The following CRMP1 variants were observed in gnomAD, a reference collection of about 807,000 sequenced individuals.
CRMP1 encodes dihydropyrimidinase-related protein 1.
In CRMP1, 19 loss-of-function variants were observed where a neutral mutation model predicts 68.3. The ratio of observed to expected loss-of-function variants is 0.28; its 90% CI spans 0.19 to 0.41. The LOEUF (loss-of-function observed/expected upper bound fraction) is 0.41. Ranked by LOEUF, CRMP1 falls within the 10% of genes least tolerant of loss-of-function variation. CRMP1 has a pLI of 1.00. For missense variants in CRMP1, 791 were observed against 967.4 expected (o/e 0.82, Z 2.42); for synonymous variants, 439 against 399.6 (o/e 1.10, Z -1.18).
chr4:5,854,427 T>C lies in CRMP1; in HGVS notation c.820+1716A>G, dbSNP rs1712895797. 1.6e-5 allele frequency among the ~76,000 whole-genome samples: 2 copies of C among 127,196 alleles called. No homozygotes were observed. Among genetic ancestry groups the C allele is most frequent in the South Asian group, 5.2e-4 (2 of 3,820 alleles). The allele number at this position is 127,196 out of a possible 152,430, so 83.4% of individuals were successfully genotyped here. ...TTTTTTTTTTTTTTTTTTTTTTTAA[T>C]AGAGTCGTGGTCTCACTATGTTGCC... On this transcript the variant is annotated intron_variant, in intron 4 of 13. Transcript: ENST00000324989. This position sits in a 1 kb window ranked among gnomAD's most constrained non-coding sequence, Gnocchi z 4.0.
chr4:5,856,857 C>CCA (rs1560505595), intron 3 of CRMP1, among the ~76,000 whole-genome samples: 41 of 129,720 alleles, frequency 3.2e-4, no homozygotes, highest in African/African-American at 1.3e-3. Context: ...TCATTGTCAC[C>CCA]CCACCATCAT....
At chr4:5,835,818 CTAGTTGGA>C in intron 11 of CRMP1, 89 bp downstream of exon 11, 1 of 1,301,998 alleles carries the variant, frequency 7.7e-7, no homozygotes, top group African/African-American at 1.5e-5. Context: ...AGATCACATC[CTAGTTGGA>C]AAATTCATAA....
At position 5,888,499 on chromosome 4, in the gene CRMP1, G is replaced by A. The variant is rs1169325707; in HGVS notation, c.381+4090C>T. On this transcript the variant is annotated intron_variant, in intron 1 of 13. Coordinates refer to ENST00000324989, the MANE Select transcript of CRMP1 (RefSeq NM_001014809.3). This position sits in a 1 kb window ranked among gnomAD's most constrained non-coding sequence, Gnocchi z 6.4. ...CGGATCGGCGAGGAGGGCGGGAGAA[G>A]GAGGAGGGAGAGGCGAGGGCGGGAG... The A allele has an allele frequency of 8.3e-7, 1 of 1,200,754 alleles. No homozygotes were observed. The allele number at this position is 1,200,754 out of a possible 1,614,324, so 74.4% of individuals were successfully genotyped here.
intron 13 of CRMP1, among the ~76,000 whole-genome samples, chr4:5,822,247 G>A (rs1371458582): frequency 6.6e-6 from 1 of 152,226 alleles, no homozygotes; most frequent in Non-Finnish European, 1.5e-5. Context: ...CAACTTACGG[G>A]TGAGCAATTT....
Position 5,883,916 on chromosome 4 carries a change from C to T in CRMP1, c.381+8673G>A, listed in dbSNP as rs144163721. On this transcript the variant is annotated intron_variant, in intron 1 of 13. Coordinates refer to ENST00000324989, the MANE Select transcript of CRMP1 (RefSeq NM_001014809.3). The surrounding 1 kb of genome is among the most constrained non-coding windows in gnomAD (Gnocchi z 4.5). The stretch of plus-strand genomic sequence containing the variant: ...TTACGTCACTTTCACTTTTATGTCC[C>T]CTCTGAGACATTTTTAAGAATTTGA... Among the ~76,000 whole-genome samples the T allele has an allele frequency of 1.4e-3, 210 of 152,264 alleles. No homozygotes were observed. The highest frequency in any genetic ancestry group is 4.8e-3 in the African/African-American group (201 of 41,542).
Position 5,833,462 on chromosome 4 carries a change from G to A in CRMP1, c.1623+2453C>T, listed in dbSNP as rs372246973. Among the ~76,000 whole-genome samples the A allele has an allele frequency of 1.0e-4, 9 of 86,568 alleles. 2 individuals carry two copies. In the East Asian group the frequency reaches 1.1e-3, roughly 11 times the overall value. The allele number at this position is 86,568 out of a possible 152,430, so 56.8% of individuals were successfully genotyped here. On this transcript the variant is annotated intron_variant, in intron 11 of 13. Transcript: ENST00000324989. ...ATTACAGGCGTGAGCCACCGCGCCC[G>A]GCCCCAGAACTTTTAAGAGATGAAA...
rs1377322652 is a variant in CRMP1, at chr4:5,825,651, T to C, written c.1812A>G (p.Gly604=). 1.9e-6 allele frequency: 3 copies of C among 1,611,854 alleles called. No homozygotes were observed. The African/African-American group carries it at 4.0e-5, about 22-fold the overall frequency. ...ACATGCCCCTGGAAACCCCTTGCAA[T>C]CCAAAAACCTAAACAGAGGAAGGGA... ...QRVKIRNKVF[G]LQGVSRGMYD... is the part of the protein sequence containing the mutation. The change falls in exon 13 of 14, where the codon GGA becomes GGG. Residue 604 remains glycine (G), a synonymous_variant. Transcript: ENST00000324989. The surrounding 1 kb of genome is among the most constrained non-coding windows in gnomAD (Gnocchi z 4.4).
chr4:5,886,749 G>A (rs561147973), intron 1 of CRMP1, among the ~76,000 whole-genome samples: 1 of 152,368 alleles, frequency 6.6e-6, no homozygotes, highest in East Asian at 1.9e-4. Context: ...CAGGGTTAGA[G>A]GGTCCCAAGG....
rs984020414 is a variant in CRMP1 at position 5,870,082 on chromosome 4, G to C, written c.382-3326C>G. Among the ~76,000 whole-genome samples the C allele has an allele frequency of 1.4e-4, 22 of 152,206 alleles. No individual in the cohort carries two copies. Among genetic ancestry groups the C allele is most frequent in the African/African-American group, 4.8e-4 (20 of 41,446 alleles). On this transcript the variant is annotated intron_variant, in intron 1 of 13. Transcript: ENST00000324989. This position sits in a 1 kb window ranked among gnomAD's most constrained non-coding sequence, Gnocchi z 6.0. ...CGGCTGCTCAAAGCTTCTTGCATCAGAATCATACTTCCCTCAGAGTGAAAG... is the reference window on the plus strand; with the variant it reads ...CGGCTGCTCAAAGCTTCTTGCATCACAATCATACTTCCCTCAGAGTGAAAG...
At chr4:5,831,761 C>G (rs929719494) in intron 11 of CRMP1, among the ~76,000 whole-genome samples, 2 of 152,214 alleles carry the variant, frequency 1.3e-5, no homozygotes, top group African/African-American at 4.8e-5. Flanking sequence ...CACAAGAACA[C>G]TGAATTGTAA....
Position 5,836,750 on chromosome 4 carries a change from G to T in CRMP1, c.1452+15C>A. On this transcript the variant is annotated intron_variant, in intron 10 of 13. Coordinates refer to ENST00000324989, the MANE Select transcript of CRMP1 (RefSeq NM_001014809.3). ...AGTGTTTCTAGAATGCTCCTGAGAAGAGATCCAGCCTTACCACCGCCTTGT... is the reference window on the plus strand; with the variant it reads ...AGTGTTTCTAGAATGCTCCTGAGAATAGATCCAGCCTTACCACCGCCTTGT... The T allele has an allele frequency of 6.2e-7, 1 of 1,614,094 alleles. No individual in the cohort carries two copies. The highest frequency in any genetic ancestry group is 8.5e-7 in the Non-Finnish European group (1 of 1,179,958).
intron 9 of CRMP1, 33 bp from the exon 10 acceptor site, chr4:5,836,939 C>T (rs1720766644): frequency 6.4e-7 from 1 of 1,565,140 alleles, no homozygotes; most frequent in Non-Finnish European, 8.6e-7. Flanking sequence ...GAGTTCAGAC[C>T]CTAGTTCATT....
chr4:5,859,949 T>A lies in CRMP1; in HGVS notation c.655+1077A>T, dbSNP rs552888224. Among the ~76,000 whole-genome samples, 1 of 152,034 alleles carries A rather than the reference T, an allele frequency of 6.6e-6. No individual in the cohort carries two copies. ...TTGAAAGAACATTTACAATAAACTG[T>A]GGCCTATTTAATTAAAATTGCTTAT... On this transcript the variant is annotated intron_variant, in intron 3 of 13. Transcript: ENST00000324989. The surrounding 1 kb of genome is among the most constrained non-coding windows in gnomAD (Gnocchi z 5.2).
chr4:5,860,899 G>C lies in CRMP1; in HGVS notation c.655+127C>G, dbSNP rs556916162. 4.4e-6 allele frequency: 4 copies of C among 916,514 alleles called. No homozygotes were observed. The highest frequency in any genetic ancestry group is 6.5e-6 in the Non-Finnish European group (4 of 616,130). The allele number at this position is 916,514 out of a possible 1,614,324, so 56.8% of individuals were successfully genotyped here. A position where few individuals can be genotyped will look rare whatever the true frequency, so the allele number is the denominator to read the frequency against. On this transcript the variant is annotated intron_variant, in intron 3 of 13. Transcript: ENST00000324989. This position sits in a 1 kb window ranked among gnomAD's most constrained non-coding sequence, Gnocchi z 4.2. ...AAACAGTGACCTGTGTCATAGGGCTGGGGGGAGAATGAAATCCAATGGCAC... is the reference window on the plus strand; with the variant it reads ...AAACAGTGACCTGTGTCATAGGGCTCGGGGGAGAATGAAATCCAATGGCAC...
Position 5,892,747 on chromosome 4 carries a change from G to T in CRMP1, c.223C>A (p.Leu75Met). Residue 75 changes from leucine to methionine, a missense_variant, in exon 1 of 14, where the codon CTG (leucine) becomes ATG (methionine). Physicochemically the swap from Leu to Met is conservative, Grantham distance 15. This residue lies in a region of CRMP1 where 193 missense variants were observed against 186.3 expected (regional missense o/e 1.04). Coordinates refer to ENST00000324989, the MANE Select transcript of CRMP1 (RefSeq NM_001014809.3). This position sits in a 1 kb window ranked among gnomAD's most constrained non-coding sequence, Gnocchi z 8.6. ...RSAGRPDAVG[L>M]PGPGGSEDTA... ...TCCTCGCTGCCTCCCGGCCCTGGCA[G>T]CCCGACCGCGTCGGGCCGGCCAGCG... The T allele has an allele frequency of 8.2e-7, 1 of 1,226,382 alleles. No individual in the cohort carries two copies. The highest frequency in any genetic ancestry group is 1.0e-6 in the Non-Finnish European group (1 of 985,944). 76.0% of individuals were successfully genotyped at this position (1,226,382 alleles called of 1,614,324 possible).
intron 9 of CRMP1, 112 bp downstream of exon 9, chr4:5,839,410 G>A (rs1711534885): frequency 7.4e-7 from 1 of 1,343,202 alleles, no homozygotes; most frequent in African/African-American, 1.4e-5. Context: ...GCACGGGGCA[G>A]AGCCTCCTCT....
rs1004535900 is a variant in CRMP1, at chr4:5,860,713, A to C, written c.655+313T>G. Among the ~76,000 whole-genome samples the C allele has an allele frequency of 6.6e-6, 1 of 152,088 alleles. No individual in the cohort carries two copies. Among genetic ancestry groups the C allele is most frequent in the African/African-American group, 2.4e-5 (1 of 41,404 alleles). ...CTTTAAACAAATTTTGTTTCTAAAAATCTAAATGTGACTTCAGTCTCATGC... is the reference window on the plus strand; with the variant it reads ...CTTTAAACAAATTTTGTTTCTAAAACTCTAAATGTGACTTCAGTCTCATGC... On this transcript the variant is annotated intron_variant, in intron 3 of 13. Coordinates refer to ENST00000324989, the MANE Select transcript of CRMP1 (RefSeq NM_001014809.3). The surrounding 1 kb of genome is among the most constrained non-coding windows in gnomAD (Gnocchi z 4.2).
rs1478640600 is a variant in CRMP1, at chr4:5,854,921, C to A, written c.820+1222G>T. On this transcript the variant is annotated intron_variant, in intron 4 of 13. Transcript: ENST00000324989. The surrounding 1 kb of genome is among the most constrained non-coding windows in gnomAD (Gnocchi z 4.0). The stretch of plus-strand genomic sequence containing the variant: ...TCTAAAGAAAAATTAGAAATGCAAA[C>A]AAATGTTTATATACAAAGATGTTCA... Among the ~76,000 whole-genome samples the A allele has an allele frequency of 6.6e-6, 1 of 151,984 alleles. No homozygotes were observed. The highest frequency in any genetic ancestry group is 1.5e-5 in the Non-Finnish European group (1 of 67,980).
chr4:5,824,560 A>C, intron 13 of CRMP1: 1 of 980,118 alleles, frequency 1.0e-6, no homozygotes, highest in Non-Finnish European at 1.2e-6. Context: ...AGGAATTAGC[A>C]AACGGGTCCA....
Sources: allele counts gnomAD v4.1 joint callset (sites outside exome capture counted in the v4.1 genomes callset), GRCh38; gene constraint gnomAD v4.1.1; regional missense constraint gnomAD v4.1.1; non-coding constraint Gnocchi (gnomAD v3.1); transcripts MANE v1.5; gene names NCBI Gene and HGNC (gene_info 2026-07-23, HGNC 2026-07-21).